The following FRMD8 variants were observed in gnomAD, a reference collection of about 807,000 sequenced individuals.
The protein encoded by FRMD8 is FERM domain-containing protein 8.
Under a neutral mutation model 54.2 loss-of-function variants are expected in FRMD8, and 37 were observed. The ratio of observed to expected loss-of-function variants is 0.68; its 90% CI spans 0.53 to 0.90. FRMD8 has a LOEUF of 0.90. Among genes scored for constraint, FRMD8 ranks in the 40% least tolerant of loss-of-function variants. The pLI is 0.00. For missense variants in FRMD8, 585 were observed against 653.7 expected (o/e 0.89, Z 1.15); for synonymous variants, 246 against 286.9 (o/e 0.86, Z 1.44).
chr11:65,406,666 G>A (rs1328614392), intron 10 of FRMD8, among the ~76,000 whole-genome samples: 5 of 151,996 alleles, frequency 3.3e-5, no homozygotes, highest in African/African-American at 4.8e-5. Flanking sequence ...CTGGCCGGGC[G>A]CAGTGGCTCA....
chr11:65,377,233 A>C, the FRMD8 span: 1 of 1,433,842 alleles, frequency 7.0e-7, no homozygotes, highest in Non-Finnish European at 9.1e-7. Context: ...TGTGGCTGGG[A>C]TGGCCAGGAT....
the FRMD8 span, chr11:65,379,722 T>A: frequency 7.8e-7 from 1 of 1,279,752 alleles, no homozygotes; most frequent in African/African-American, 1.5e-5. Flanking sequence ...TCTGGGGTGC[T>A]AAGCTACCAC....
chr11:65,389,417 A>G lies in FRMD8; in HGVS notation c.142A>G (p.Asn48Asp). Reference sequence around the variant, plus strand: ...CACGGTGGTGCCCCTGGCTGTGGAGAACCTGCCCTCGCTCAGTGCCCATGA... The same window carrying G: ...CACGGTGGTGCCCCTGGCTGTGGAGGACCTGCCCTCGCTCAGTGCCCATGA... ...DDTVVPLAVE[N>D]LPSLSAHELH... Residue 48 changes from asparagine (N) to aspartate (D), a missense_variant, in exon 3 of 11, where the codon AAC becomes GAC. Asn to Asp is a conservative substitution (Grantham distance 23, BLOSUM62 1). Transcript: ENST00000317568. 6.2e-7 allele frequency: 1 copy of G among 1,610,704 alleles called. No individual in the cohort carries two copies. Among genetic ancestry groups the G allele is most frequent in the Non-Finnish European group, 8.5e-7 (1 of 1,179,954 alleles).
At chr11:65,379,784 C>A in the FRMD8 span, 3 of 1,548,164 alleles carry the variant, frequency 1.9e-6, no homozygotes, top group African/African-American at 2.7e-5. Flanking sequence ...AGGAGCAGAA[C>A]CCTGCTGGAG....
chr11:65,411,260 TGAA>T lies in FRMD8; in HGVS notation c.1297_1299del (p.Lys433del). 1 of 1,608,154 alleles carries T rather than the reference TGAA, an allele frequency of 6.2e-7. No homozygotes were observed. The highest frequency in any genetic ancestry group is 1.1e-5 in the South Asian group (1 of 90,458). On this transcript the variant is annotated inframe_deletion, in exon 11 of 11. Transcript: ENST00000317568. ...CTCGCAGGCAAGGGGATCAGGCGAG[TGAA>T]GCCGAAGCGCACCACATCCTTCTTC...
At chr11:65,379,923 G>A in the FRMD8 span, 783 of 1,614,194 alleles carry the variant, frequency 4.9e-4, no homozygotes, top group African/African-American at 8.0e-3. Flanking sequence ...TAGGTGGTCT[G>A]GGTCTGCAGC....
chr11:65,408,362 C>T (rs946622965), intron 10 of FRMD8, among the ~76,000 whole-genome samples: 1 of 152,044 alleles, frequency 6.6e-6, no homozygotes, highest in Non-Finnish European at 1.5e-5. Flanking sequence ...TCGTGAGCCA[C>T]CGCGCCCAGC....
chr11:65,379,212 T>A, the FRMD8 span: 3 of 750,272 alleles, frequency 4.0e-6, no homozygotes, highest in Non-Finnish European at 6.3e-6. Context: ...CCCACAGCCC[T>A]CCCCCAGAGG....
chr11:65,379,303 G>A, the FRMD8 span: 1 of 1,553,460 alleles, frequency 6.4e-7, no homozygotes. Context: ...GGTCGCCAGG[G>A]CAGGGTGGGA....
Position 65,394,267 on chromosome 11 carries a change from C to G in FRMD8, c.423C>G (p.Asp141Glu). The G allele has an allele frequency of 6.2e-7, 1 of 1,600,148 alleles. No individual in the cohort carries two copies. Residue 141 changes from aspartate to glutamate, a missense_variant, in exon 6 of 11, where the codon GAC becomes GAG. Physicochemically the swap from Asp to Glu is conservative, Grantham distance 45 (BLOSUM62 2). Coordinates refer to ENST00000317568, the MANE Select transcript of FRMD8 (RefSeq NM_031904.5). ...GCCACACCCCCCTGCAGATCCATGACGAGGAGGTCCTGCGGCTGCTCTATG... is the reference window on the plus strand; with the variant it reads ...GCCACACCCCCCTGCAGATCCATGAGGAGGAGGTCCTGCGGCTGCTCTATG... Reference protein sequence around the residue: ...FPKRRELQIHDEEVLRLLYEE... With the variant: ...FPKRRELQIHEEEVLRLLYEE...
At chr11:65,406,532 G>C (rs981141470) in intron 10 of FRMD8, among the ~76,000 whole-genome samples, 2 of 151,862 alleles carry the variant, frequency 1.3e-5, no homozygotes, top group Non-Finnish European at 2.9e-5. Flanking sequence ...GTTTCACCGT[G>C]TTAGCCAGGA....
At chr11:65,380,832 A>G in the FRMD8 span, 11 of 327,974 alleles carry the variant, frequency 3.4e-5, no homozygotes, top group Middle Eastern at 6.7e-3. Context: ...ACCACAGCAC[A>G]ACAGGCCTCA....
the FRMD8 span, chr11:65,379,275 T>TA: frequency 7.2e-7 from 1 of 1,384,184 alleles, no homozygotes; most frequent in South Asian, 1.2e-5. Context: ...CCAAGAGGCC[T>TA]ATGCCTCCAC....
At chr11:65,393,488 G>GTCATGCTGTGCGGTGTGATA in intron 3 of FRMD8, 85 bp from the exon 4 acceptor site, 1 of 997,584 alleles carries the variant, frequency 1.0e-6, no homozygotes, top group Non-Finnish European at 1.6e-6. Context: ...TGCGACTGTC[G>GTCATGCTGTGCGGTGTGATA]TCATGCTGTG....
At chr11:65,379,261 C>T in the FRMD8 span, 1 of 1,224,742 alleles carries the variant, frequency 8.2e-7, no homozygotes, top group Non-Finnish European at 1.2e-6. Flanking sequence ...CCTCTTGTTC[C>T]CCTCCAAGAG....
chr11:65,379,641 C>G, the FRMD8 span: 22 of 1,449,832 alleles, frequency 1.5e-5, no homozygotes, highest in Admixed American at 2.3e-5. Context: ...AAGGCAGCCT[C>G]TGGCTGGAAA....
Position 65,396,978 on chromosome 11 carries a change from A to G in FRMD8, c.761A>G (p.Tyr254Cys), listed in dbSNP as rs1203239648. 2 of 1,491,398 alleles carry G rather than the reference A, an allele frequency of 1.3e-6. No homozygotes were observed. The highest frequency in any genetic ancestry group is 1.8e-6 in the Non-Finnish European group (2 of 1,116,476). 92.4% of individuals were successfully genotyped at this position (1,491,398 alleles called of 1,614,324 possible). ...TGCGAGGCCGCCCTGGGCACCCACT[A>G]CCGCGCCTATCTCCTCAAGTGCCAC... is the stretch of plus-strand genomic sequence containing the variant. Reference protein sequence around the residue: ...GGCEAALGTHYRAYLLKCHEL... With the variant: ...GGCEAALGTHCRAYLLKCHEL... Residue 254 changes from tyrosine (Y) to cysteine (C), a missense_variant, in exon 7 of 11, where the codon TAC becomes TGC. Coordinates refer to ENST00000317568, the MANE Select transcript of FRMD8 (RefSeq NM_031904.5).
chr11:65,380,838 C>T, the FRMD8 span: 2 of 322,228 alleles, frequency 6.2e-6, no homozygotes, highest in East Asian at 8.7e-5. Context: ...GCACAACAGG[C>T]CTCAGGGCCC....
chr11:65,380,339 C>T, the FRMD8 span: 1 of 1,046,802 alleles, frequency 9.6e-7, no homozygotes, highest in Non-Finnish European at 1.4e-6. Flanking sequence ...CCAGCTGCCC[C>T]TGCCACCCCC....
Sources: allele counts gnomAD v4.1 joint callset (sites outside exome capture counted in the v4.1 genomes callset), GRCh38; gene constraint gnomAD v4.1.1; transcripts MANE v1.5; gene names NCBI Gene and HGNC (gene_info 2026-07-23, HGNC 2026-07-21).